LRRC7: variants seen among roughly 807,000 people sequenced by gnomAD.
LRRC7 encodes the protein leucine-rich repeat-containing protein 7.
A neutral mutation model predicts 175.7 loss-of-function variants in LRRC7; 23 were observed. That is an observed-to-expected ratio of 0.13 (90% CI 0.09 to 0.19). LRRC7 has a LOEUF of 0.19. Ranked by LOEUF, LRRC7 falls within the 10% of genes least tolerant of loss-of-function variation. The probability of loss-of-function intolerance (pLI) is 1.00; values close to 1 mark genes in which losing one functional copy is unlikely to be tolerated. For synonymous variants in LRRC7, 685 were observed against 680.9 expected (o/e 1.01, Z -0.09); for missense variants, 1,354 against 1,904.7 (o/e 0.71, Z 5.38).
At position 69,744,364 on chromosome 1, in the gene LRRC7, T is replaced by C. The variant is rs76299434; in HGVS notation, c.101-15827T>C. On this transcript the variant is annotated intron_variant, in intron 2 of 26. Transcript: ENST00000651989. The stretch of plus-strand genomic sequence containing the variant: ...AGGTGGTGCAGGTGAATGACGAAAT[T>C]ATGTTACTTTTCTGCTTCAGGTTAG... Among the ~76,000 whole-genome samples the C allele has an allele frequency of 2.7e-3, 409 of 151,910 alleles. 17 individuals are homozygous for C. In the East Asian group the frequency reaches 0.07, roughly 26 times the overall value.
At chr1:70,068,133 T>C (rs1425367697) in intron 23 of LRRC7, among the ~76,000 whole-genome samples, 1 of 152,170 alleles carries the variant, frequency 6.6e-6, no homozygotes, top group Non-Finnish European at 1.5e-5. Context: ...ACTACAACTT[T>C]CAGCACTATG....
At chr1:69,948,942 C>T (rs1468048008) in intron 8 of LRRC7, among the ~76,000 whole-genome samples, 4 of 152,104 alleles carry the variant, frequency 2.6e-5, no homozygotes, top group Admixed American at 6.6e-5. Flanking sequence ...TGGGAGCAGA[C>T]ATTTAATGAG....
At chr1:69,735,486 A>G (rs1465079768) in intron 2 of LRRC7, among the ~76,000 whole-genome samples, 1 of 152,108 alleles carries the variant, frequency 6.6e-6, no homozygotes, top group Non-Finnish European at 1.5e-5. Flanking sequence ...ATTCGATCAC[A>G]TCAGAAGGCA....
At chr1:69,702,303 G>C (rs188922094) in intron 2 of LRRC7, among the ~76,000 whole-genome samples, 2 of 152,258 alleles carry the variant, frequency 1.3e-5, no homozygotes, top group Admixed American at 1.3e-4. Context: ...ATCATCAAGT[G>C]CATCAGTTCT....
chr1:69,953,978 C>T (rs1327881), intron 8 of LRRC7, among the ~76,000 whole-genome samples: 10,766 of 151,898 alleles, frequency 0.071, 409 homozygotes, highest in South Asian at 0.11. Context: ...TTACTTTTTT[C>T]TCTCTCTCTT....
At chr1:69,889,909 C>T (rs1250185270) in intron 7 of LRRC7, among the ~76,000 whole-genome samples, 1 of 152,160 alleles carries the variant, frequency 6.6e-6, no homozygotes, top group Non-Finnish European at 1.5e-5. Flanking sequence ...AATTTCCTGT[C>T]TGTTAAAGTT....
At chr1:69,695,070 G>C (rs543767130) in intron 2 of LRRC7, among the ~76,000 whole-genome samples, 1 of 152,252 alleles carries the variant, frequency 6.6e-6, no homozygotes, top group African/African-American at 2.4e-5. Context: ...GAAGATAAGG[G>C]AAAATTTGAA....
intron 7 of LRRC7, among the ~76,000 whole-genome samples, chr1:69,875,814 AT>A (rs1438060613): frequency 6.6e-6 from 1 of 151,956 alleles, no homozygotes; most frequent in African/African-American, 2.4e-5. Context: ...TATTCTATTG[AT>A]TTTACATTCA....
intron 2 of LRRC7, among the ~76,000 whole-genome samples, chr1:69,711,133 G>A (rs1029413294): frequency 6.6e-6 from 1 of 152,146 alleles, no homozygotes; most frequent in African/African-American, 2.4e-5. Context: ...TGAAGATATT[G>A]GTGACCTTCA....
At chr1:70,018,619 C>T in intron 14 of LRRC7, 100 bp from the exon 15 acceptor site, 2 of 610,572 alleles carry the variant, frequency 3.3e-6, no homozygotes, top group Non-Finnish European at 5.4e-6. Flanking sequence ...TCTTTTTTCA[C>T]TTTTTCCCCC....
intron 2 of LRRC7, among the ~76,000 whole-genome samples, chr1:69,732,691 G>A (rs1667707303): frequency 6.6e-6 from 1 of 151,850 alleles, no homozygotes; most frequent in African/African-American, 2.4e-5. Context: ...TGCAATATTT[G>A]GATTCTAAAT....
intron 7 of LRRC7, among the ~76,000 whole-genome samples, chr1:69,916,568 A>G (rs962932372): frequency 6.6e-6 from 1 of 151,866 alleles, no homozygotes; most frequent in Non-Finnish European, 1.5e-5. Context: ...AGGATTTTTC[A>G]TTGACCATTG....
chr1:70,057,084 A>G (rs886867504), intron 23 of LRRC7, among the ~76,000 whole-genome samples: 2 of 152,166 alleles, frequency 1.3e-5, no homozygotes, highest in South Asian at 2.1e-4. Flanking sequence ...TACTAAATGT[A>G]CCATGTCTTC....
intron 26 of LRRC7, among the ~76,000 whole-genome samples, chr1:70,116,563 A>C (rs1558082170): frequency 2.0e-5 from 3 of 151,852 alleles, no homozygotes; most frequent in African/African-American, 7.3e-5. Context: ...AAAAAAAAAA[A>C]AACACAGAAA....
intron 8 of LRRC7, among the ~76,000 whole-genome samples, chr1:69,948,040 C>G (rs1462236768): frequency 6.6e-6 from 1 of 152,054 alleles, no homozygotes; most frequent in African/African-American, 2.4e-5. Flanking sequence ...GTAGTGGGTA[C>G]AGCATGAATA....
In LRRC7 at chr1:69,618,137, T is replaced by TC. The variant is rs950410472; in HGVS notation, c.2+49501dup. ...TAAGAACACACTTATCTCATTTTTT[T>TC]CCCCCGCAGGAACTCTGGCTCCAAG... On this transcript the variant is annotated intron_variant, in intron 1 of 26. Transcript: ENST00000651989. 3.3e-5 allele frequency among the ~76,000 whole-genome samples: 5 copies of TC among 152,008 alleles called. No individual in the cohort carries two copies. In the South Asian group the frequency reaches 6.2e-4, roughly 19 times the overall value.
rs1343252183 is a variant in LRRC7 at position 70,144,212 on chromosome 1, C to T, written c.*22325C>T. ...TTTGAAGATGCTTTCTGTACAGATACAAAATACAGGGACTAAAATAATGCT... is the reference window on the plus strand; with the variant it reads ...TTTGAAGATGCTTTCTGTACAGATATAAAATACAGGGACTAAAATAATGCT... On this transcript the variant is annotated 3_prime_UTR_variant, in exon 27 of 27. Transcript: ENST00000651989. 6.6e-6 allele frequency: 1 copy of T among 152,148 alleles called. No individual in the cohort carries two copies. Among genetic ancestry groups the T allele is most frequent in the Non-Finnish European group, 1.5e-5 (1 of 68,018 alleles). The allele number at this position is 152,148 out of a possible 1,614,324, so 9.4% of individuals were successfully genotyped here.
intron 1 of LRRC7, among the ~76,000 whole-genome samples, chr1:69,670,366 C>T (rs138859415): frequency 2.6e-5 from 4 of 152,256 alleles, no homozygotes; most frequent in East Asian, 3.9e-4. Flanking sequence ...AGATTCAGAT[C>T]GTTTCCCTTA....
chr1:69,680,517 G>C (rs1660342494), intron 2 of LRRC7, among the ~76,000 whole-genome samples: 1 of 152,060 alleles, frequency 6.6e-6, no homozygotes, highest in Non-Finnish European at 1.5e-5. Context: ...AATTCAGCTG[G>C]AGTTATGTTA....
Sources: allele counts gnomAD v4.1 joint callset (sites outside exome capture counted in the v4.1 genomes callset), GRCh38; gene constraint gnomAD v4.1.1; transcripts MANE v1.5; gene names NCBI Gene and HGNC (gene_info 2026-07-23, HGNC 2026-07-21).